UNC5A: variants seen among roughly 807,000 people sequenced by gnomAD.
The protein encoded by UNC5A is unc-5 netrin receptor A.
A neutral mutation model predicts 87.4 loss-of-function variants in UNC5A; 20 were observed. The ratio of observed to expected loss-of-function variants is 0.23; its 90% CI spans 0.16 to 0.33. The LOEUF (loss-of-function observed/expected upper bound fraction) is 0.33, where lower values mean the gene tolerates loss of function less well. UNC5A is among the 10% of genes least tolerant of loss of function. The pLI is 1.00. For missense variants in UNC5A, 844 were observed against 1,133.4 expected, an observed-to-expected ratio of 0.74 and a Z score of 3.67; for synonymous variants, 438 against 482.3, an observed-to-expected ratio of 0.91 and a Z score of 1.20.
intron 1 of UNC5A, among the ~76,000 whole-genome samples, chr5:176,846,654 A>C (rs1180617523): frequency 6.6e-6 from 1 of 152,020 alleles, no homozygotes; most frequent in Non-Finnish European, 1.5e-5. Context: ...GGATGATCTC[A>C]CCAGTATCTG....
rs768279738 is a variant in UNC5A, at chr5:176,869,146, C to G, written c.721+182C>G. Among the ~76,000 whole-genome samples, 1 of 152,208 alleles carries G rather than the reference C, an allele frequency of 6.6e-6. No individual in the cohort carries two copies. The highest frequency in any genetic ancestry group is 1.9e-4 in the East Asian group (1 of 5,156). On this transcript the variant is annotated intron_variant, in intron 5 of 14. Transcript: ENST00000329542. This position sits in a 1 kb window ranked among gnomAD's most constrained non-coding sequence, Gnocchi z 9.1. ...CTGGGGGCCCAGGGGCATGTCTGGGCAAAGGAGTGGGACAGATTGGAGGTC... is the reference window on the plus strand; with the variant it reads ...CTGGGGGCCCAGGGGCATGTCTGGGGAAAGGAGTGGGACAGATTGGAGGTC...
chr5:176,868,766 C>T lies in UNC5A; in HGVS notation c.541-18C>T. 1 of 1,590,230 alleles carries T rather than the reference C, an allele frequency of 6.3e-7. No individual in the cohort carries two copies. Among genetic ancestry groups the T allele is most frequent in the Non-Finnish European group, 8.6e-7 (1 of 1,163,454 alleles). ...GCCAGCATGGGCTGGCAGTACATGG[C>T]AGGGCTCCCTCCCCTAGGTGGAGTG... On this transcript the variant is annotated intron_variant, in intron 4 of 14. Transcript: ENST00000329542.
At chr5:176,834,921 G>A (rs573395708) in intron 1 of UNC5A, among the ~76,000 whole-genome samples, 1 of 152,320 alleles carries the variant, frequency 6.6e-6, no homozygotes, top group South Asian at 2.1e-4. Flanking sequence ...GTCGGCTCCT[G>A]CAGGGACCAG....
chr5:176,856,092 TC>T (rs1757661534), intron 1 of UNC5A, among the ~76,000 whole-genome samples: 1 of 152,178 alleles, frequency 6.6e-6, no homozygotes. Context: ...TCCCTACCCC[TC>T]CCCTGCCCCC....
chr5:176,828,514 GC>G (rs1185904099), intron 1 of UNC5A, among the ~76,000 whole-genome samples: 2 of 152,162 alleles, frequency 1.3e-5, no homozygotes, highest in East Asian at 3.9e-4. Flanking sequence ...AGAAGCCTCA[GC>G]CCCCCCATCT....
At chr5:176,860,130 C>T (rs572384924) in intron 1 of UNC5A, among the ~76,000 whole-genome samples, 16 of 152,354 alleles carry the variant, frequency 1.1e-4, no homozygotes, top group East Asian at 5.8e-4. Context: ...CCAGCTCCCC[C>T]GCCAAGAGGC....
chr5:176,829,145 A>AAG lies in UNC5A; in HGVS notation c.70+18326_70+18327insGA, dbSNP rs1554096885. Among the ~76,000 whole-genome samples, 57 of 142,058 alleles carry AAG rather than the reference A, an allele frequency of 4.0e-4. 2 individuals are homozygous for AAG. The highest frequency in any genetic ancestry group is 1.4e-3 in the African/African-American group (51 of 36,996). 93.2% of individuals were successfully genotyped at this position (142,058 alleles called of 152,430 possible). A position where few individuals can be genotyped will look rare whatever the true frequency, so the allele number is the denominator to read the frequency against. ...AGACTCCATCTCAAAAAAAAAAAAA[A>AAG]AAAGAAAGAAAGATGGATGGATGGA... is the stretch of plus-strand genomic sequence containing the variant. On this transcript the variant is annotated intron_variant, in intron 1 of 14. Transcript: ENST00000329542.
chr5:176,829,982 C>T (rs546914160), intron 1 of UNC5A, among the ~76,000 whole-genome samples: 1 of 151,070 alleles, frequency 6.6e-6, no homozygotes, highest in East Asian at 2.0e-4. Flanking sequence ...TCAAGCAATT[C>T]TCCCACCTTG....
intron 1 of UNC5A, among the ~76,000 whole-genome samples, chr5:176,829,281 A>ATGGG (rs1756935514): frequency 9.1e-6 from 1 of 109,920 alleles, no homozygotes; most frequent in African/African-American, 3.3e-5. Flanking sequence ...GGATGGATGG[A>ATGGG]TGGATAAAGT....
At position 176,815,816 on chromosome 5, in the gene UNC5A, C is replaced by T. The variant is rs551532270; in HGVS notation, c.70+4996C>T. Among the ~76,000 whole-genome samples the T allele has an allele frequency of 7.9e-5, 12 of 152,320 alleles. 1 individual carries two copies. In the South Asian group the frequency reaches 2.5e-3, roughly 32 times the overall value. On this transcript the variant is annotated intron_variant, in intron 1 of 14. Transcript: ENST00000329542. Reference sequence around the variant, plus strand: ...GGTTGGAAGAAGCATCCCCCCTCCCCCGCCATTGACACATACACCACCCAC... The same window carrying T: ...GGTTGGAAGAAGCATCCCCCCTCCCTCGCCATTGACACATACACCACCCAC...
rs1244712534 is a variant in UNC5A, at chr5:176,874,245, GTC to G, written c.1076-17_1076-16del. 6.3e-7 allele frequency: 1 copy of G among 1,583,492 alleles called. No individual in the cohort carries two copies. The highest frequency in any genetic ancestry group is 8.6e-7 in the Non-Finnish European group (1 of 1,162,748). On this transcript the variant is annotated splice_polypyrimidine_tract_variant and intron_variant, in intron 7 of 14. Coordinates refer to ENST00000329542, the MANE Select transcript of UNC5A (RefSeq NM_133369.3). This position sits in a 1 kb window ranked among gnomAD's most constrained non-coding sequence, Gnocchi z 7.6. ...GGATGCCCTAGGTGCCATTGCCTGA[GTC>G]TGTCTTTATCCTGCAGACAACCCCC...
chr5:176,877,472 C>A, intron 9 of UNC5A, 63 bp from the exon 10 acceptor site: 1 of 1,523,612 alleles, frequency 6.6e-7, no homozygotes, highest in Non-Finnish European at 8.9e-7. Context: ...CTTGGCCTAG[C>A]CCTCAGGACC....
At chr5:176,870,240 G>C (rs2149367274) in intron 5 of UNC5A, 130 bp from the exon 6 acceptor site, 1 of 1,198,832 alleles carries the variant, frequency 8.3e-7, no homozygotes, top group Non-Finnish European at 1.2e-6. Context: ...GCCTGGCCCT[G>C]GCTTTGCACC....
rs200609222 is a variant in UNC5A, at chr5:176,868,807, C to T, written c.564C>T (p.Asp188=). The change falls in exon 5 of 15, where the codon GAC becomes GAT. Residue 188 remains aspartate (D), a synonymous_variant. Coordinates refer to ENST00000329542, the MANE Select transcript of UNC5A (RefSeq NM_133369.3). ...AGGTGGAGTGGCTCCGGAACGAGGA[C>T]CTGGTGGACCCGTCCCTGGACCCCA... ...PAEVEWLRNE[D]LVDPSLDPNV... is the part of the protein sequence containing the mutation. The T allele has an allele frequency of 2.0e-5, 32 of 1,604,128 alleles. 1 individual carries two copies. In the South Asian group the frequency reaches 2.6e-4, roughly 13 times the overall value.
intron 1 of UNC5A, among the ~76,000 whole-genome samples, chr5:176,822,684 G>T (rs1756755915): frequency 6.6e-6 from 1 of 152,240 alleles, no homozygotes; most frequent in South Asian, 2.1e-4. Context: ...TGACTTCAGA[G>T]CTGGTCCCTG....
chr5:176,857,848 G>A (rs1308265117), intron 1 of UNC5A, among the ~76,000 whole-genome samples: 5 of 152,166 alleles, frequency 3.3e-5, no homozygotes, highest in South Asian at 4.1e-4. Flanking sequence ...AATTCCAAGC[G>A]GGCAGCCAGG....
At position 176,838,504 on chromosome 5, in the gene UNC5A, T is replaced by C. The variant is rs565921796; in HGVS notation, c.71-24120T>C. Among the ~76,000 whole-genome samples, 1 of 152,368 alleles carries C rather than the reference T, an allele frequency of 6.6e-6. No homozygotes were observed. The highest frequency in any genetic ancestry group is 1.9e-4 in the East Asian group (1 of 5,188). ...TCGACTCACACAGACTTAAACACAT[T>C]TACTAAGTGGATGTTATTGACTTGC... On this transcript the variant is annotated intron_variant, in intron 1 of 14. Coordinates refer to ENST00000329542, the MANE Select transcript of UNC5A (RefSeq NM_133369.3). This position sits in a 1 kb window ranked among gnomAD's most constrained non-coding sequence, Gnocchi z 4.2.
chr5:176,812,837 C>T (rs1756495823), intron 1 of UNC5A, among the ~76,000 whole-genome samples: 1 of 152,144 alleles, frequency 6.6e-6, no homozygotes, highest in South Asian at 2.1e-4. Context: ...CTTTGGGACT[C>T]CCTTCCCCCT....
chr5:176,873,846 C>T, intron 6 of UNC5A, 122 bp from the exon 7 acceptor site: 4 of 1,007,770 alleles, frequency 4.0e-6, no homozygotes, highest in Non-Finnish European at 5.8e-6. Flanking sequence ...CAAGCGTCTG[C>T]TCCCTAGCTA....
Sources: gnomAD v4.1 joint callset for allele counts (sites outside exome capture counted in the v4.1 genomes callset) on GRCh38, gnomAD v4.1.1 for gene constraint, Gnocchi (gnomAD v3.1) non-coding constraint, MANE v1.5 for transcripts, NCBI Gene and HGNC (gene_info 2026-07-23, HGNC 2026-07-21) for gene names.